Variants in PLXNA2 observed in about 807,000 individuals in gnomAD.
PLXNA2 encodes the protein plexin-A2.
Under a neutral mutation model 193.5 loss-of-function variants are expected in PLXNA2, and 91 were observed. The observed-to-expected ratio is 0.47, with a 90% CI of 0.40 to 0.56. The LOEUF is 0.56. Ranked by LOEUF, PLXNA2 falls within the 20% of genes least tolerant of loss-of-function variation. The probability of loss-of-function intolerance (pLI) is 0.00; values close to 1 mark genes in which losing one functional copy is unlikely to be tolerated. For missense variants in PLXNA2, 1,995 were observed against 2,503.2 expected (o/e 0.80, Z 4.33); for synonymous variants, 997 against 1,027.3 (o/e 0.97, Z 0.56).
chr1:208,200,744 A>T (rs1420350576), intron 3 of PLXNA2, among the ~76,000 whole-genome samples: 1 of 151,810 alleles, frequency 6.6e-6, no homozygotes, highest in Admixed American at 6.6e-5. Context: ...GATTGCAGGC[A>T]TCCGCCACCA....
At chr1:208,223,736 A>G (rs1231985836) in intron 1 of PLXNA2, among the ~76,000 whole-genome samples, 1 of 152,200 alleles carries the variant, frequency 6.6e-6, no homozygotes, top group Non-Finnish European at 1.5e-5. Flanking sequence ...ATGCACAGAA[A>G]GCTCCTTCTT....
chr1:208,049,951 C>T, intron 17 of PLXNA2, among the ~76,000 whole-genome samples: 1 of 152,156 alleles, frequency 6.6e-6, no homozygotes, highest in Non-Finnish European at 1.5e-5. Flanking sequence ...GCCATAGTAG[C>T]ATCTGCTATA....
chr1:208,141,585 C>T (rs1480401647), intron 4 of PLXNA2, among the ~76,000 whole-genome samples: 6 of 152,132 alleles, frequency 3.9e-5, no homozygotes, highest in East Asian at 1.9e-4. Flanking sequence ...ACCCACTGAC[C>T]GAGTGAATGG....
At chr1:208,098,452 T>A (rs74330400) in intron 6 of PLXNA2, among the ~76,000 whole-genome samples, 28 of 120,830 alleles carry the variant, frequency 2.3e-4, no homozygotes, top group Admixed American at 1.4e-3. Flanking sequence ...TCTCTCTCTC[T>A]CTCTCTCACA....
At chr1:208,229,178 A>C (rs764123157) in intron 1 of PLXNA2, among the ~76,000 whole-genome samples, 1 of 152,104 alleles carries the variant, frequency 6.6e-6, no homozygotes, top group African/African-American at 2.4e-5. Flanking sequence ...CTTTCTCTCT[A>C]AAAACTGCTA....
At chr1:208,235,323 C>A (rs1244280293) in intron 1 of PLXNA2, among the ~76,000 whole-genome samples, 1 of 152,188 alleles carries the variant, frequency 6.6e-6, no homozygotes, top group Admixed American at 6.5e-5. Flanking sequence ...AAATTCCAAA[C>A]AAATTTGGAG....
In PLXNA2 at chr1:208,042,157, G is replaced by C; in HGVS notation, c.4227C>G (p.Leu1409=). The change falls in exon 22 of 32, where the codon CTC becomes CTG. Residue 1409 remains leucine, a synonymous_variant. Coordinates refer to ENST00000367033, the MANE Select transcript of PLXNA2 (RefSeq NM_025179.4). ...EYATDVLKQL[L]SDLIDKNLEN... ...CCAGGTTCTTATCGATGAGGTCAGAGAGCAGCTGCTTGAGGACATCAGTGG... is the reference window on the plus strand; with the variant it reads ...CCAGGTTCTTATCGATGAGGTCAGACAGCAGCTGCTTGAGGACATCAGTGG... 6.2e-7 allele frequency: 1 copy of C among 1,614,206 alleles called. No individual in the cohort carries two copies. Among genetic ancestry groups the C allele is most frequent in the Non-Finnish European group, 8.5e-7 (1 of 1,180,018 alleles).
chr1:208,242,526 C>T (rs7533778), intron 1 of PLXNA2, among the ~76,000 whole-genome samples: 13,834 of 152,262 alleles, frequency 0.091, 795 homozygotes, highest in East Asian at 0.26. Flanking sequence ...GTCCCTTGTG[C>T]ACTTTCTACT....
chr1:208,212,182 C>T (rs1358301057), intron 2 of PLXNA2, among the ~76,000 whole-genome samples: 1 of 152,200 alleles, frequency 6.6e-6, no homozygotes, highest in African/African-American at 2.4e-5. Flanking sequence ...CTCCTCTCAC[C>T]CTCACCAGGG....
intron 20 of PLXNA2, among the ~76,000 whole-genome samples, chr1:208,043,702 C>T (rs1298005947): frequency 1.3e-5 from 2 of 152,214 alleles, no homozygotes; most frequent in Admixed American, 1.3e-4. Context: ...TTGGTGGTGG[C>T]ACACCTGTCT....
Position 208,044,729 on chromosome 1 carries a change from C to T in PLXNA2, c.3653G>A (p.Gly1218Glu), listed in dbSNP as rs1317847731. Residue 1218 changes from glycine (G) to glutamate (E), a missense_variant, in exon 20 of 32, where the codon GGG (glycine) becomes GAG (glutamate). Gly to Glu is a moderately conservative substitution (Grantham distance 98, BLOSUM62 -2). Transcript: ENST00000367033. The surrounding 1 kb of genome is among the most constrained non-coding windows in gnomAD (Gnocchi z 4.9). ...GQHKVMVHVG[G>E]MVFSPGSVSV... ...CACCGAGCCAGGCGAGAACACCATC[C>T]CGCCCACGTGAACCTGTGCATTGTA... The T allele has an allele frequency of 6.2e-7, 1 of 1,613,374 alleles. No individual in the cohort carries two copies. The highest frequency in any genetic ancestry group is 8.5e-7 in the Non-Finnish European group (1 of 1,179,690).
chr1:208,206,097 A>G (rs774416532), intron 3 of PLXNA2, among the ~76,000 whole-genome samples: 1 of 152,232 alleles, frequency 6.6e-6, no homozygotes, highest in African/African-American at 2.4e-5. Context: ...GCTCTTCAAT[A>G]GCATGTGACA....
chr1:208,127,723 AAG>A (rs1413325567), intron 4 of PLXNA2, among the ~76,000 whole-genome samples: 9 of 152,330 alleles, frequency 5.9e-5, no homozygotes, highest in Admixed American at 3.9e-4. Flanking sequence ...ATGAGGGGCC[AAG>A]AGAGAGAGTA....
chr1:208,183,369 C>A (rs1036788260), intron 3 of PLXNA2, among the ~76,000 whole-genome samples: 1 of 152,140 alleles, frequency 6.6e-6, no homozygotes. Context: ...TTTTCTCTTT[C>A]TCCCTTAACC....
chr1:208,061,259 C>G (rs1047436436), intron 12 of PLXNA2, among the ~76,000 whole-genome samples: 3 of 152,110 alleles, frequency 2.0e-5, no homozygotes, highest in African/African-American at 4.8e-5. Context: ...AAGCACCAAA[C>G]AGAAGGTGTG....
At chr1:208,192,901 AAAG>A (rs144965979) in intron 3 of PLXNA2, among the ~76,000 whole-genome samples, 70,704 of 135,952 alleles carry the variant, frequency 0.52, 17,632 homozygotes, top group Admixed American at 0.56. Context: ...AGAAAAAGAA[AAAG>A]AAAAAAAAAA....
At chr1:208,153,395 C>T (rs580906) in intron 3 of PLXNA2, among the ~76,000 whole-genome samples, 42,787 of 152,016 alleles carry the variant, frequency 0.28, 7,018 homozygotes, top group Non-Finnish European at 0.37. Flanking sequence ...GTCTTCATTT[C>T]TCTAGGCCTC....
In PLXNA2 at chr1:208,025,003, G is replaced by C. The variant is rs1664299029; in HGVS notation, c.*2240C>G. On this transcript the variant is annotated 3_prime_UTR_variant, in exon 32 of 32. Coordinates refer to ENST00000367033, the MANE Select transcript of PLXNA2 (RefSeq NM_025179.4). ...TATGAAGAGCAAACACTTTGGCTTA[G>C]TGCGGAAGGCCAGTCATTAGTATTT... The C allele has an allele frequency of 6.6e-6, 1 of 152,638 alleles. No individual in the cohort carries two copies. Among genetic ancestry groups the C allele is most frequent in the Non-Finnish European group, 1.5e-5 (1 of 68,042 alleles). The allele number at this position is 152,638 out of a possible 1,614,324, so 9.5% of individuals were successfully genotyped here. A position where few individuals can be genotyped will look rare whatever the true frequency, so the allele number is the denominator to read the frequency against.
In PLXNA2 at chr1:208,096,124, G is replaced by A. The variant is rs1360371005; in HGVS notation, c.1887C>T (p.Asp629=). The A allele has an allele frequency of 3.2e-5, 52 of 1,613,330 alleles. No homozygotes were observed. The East Asian group carries it at 1.1e-3, about 35-fold the overall frequency. ...TCAGCTGTAGCTCCAGCCCAAACCA[G>A]TCTGGAAAAACAAACAAAAAAGGAT... ...KDVPVIPLDQ[D]WFGLELQLRS... Residue 629 remains aspartate, a splice_region_variant and synonymous_variant, in exon 8 of 32, where the codon GAC becomes GAT. Coordinates refer to ENST00000367033, the MANE Select transcript of PLXNA2 (RefSeq NM_025179.4).
Sources: allele counts gnomAD v4.1 joint callset (sites outside exome capture counted in the v4.1 genomes callset), GRCh38; gene constraint gnomAD v4.1.1; non-coding constraint Gnocchi (gnomAD v3.1); transcripts MANE v1.5; gene names NCBI Gene and HGNC (gene_info 2026-07-23, HGNC 2026-07-21).